Variants in KSR2 observed in about 807,000 individuals in gnomAD.
KSR2 encodes the protein kinase suppressor of ras 2.
Under a neutral mutation model 107.8 loss-of-function variants are expected in KSR2, and 25 were observed. The observed-to-expected ratio is 0.23, with a 90% CI of 0.17 to 0.32. KSR2 has a LOEUF of 0.32. KSR2 is among the 10% of genes least tolerant of loss of function. The pLI is 1.00. For missense variants in KSR2, 887 were observed against 1,268.9 expected, an observed-to-expected ratio of 0.70 and a Z score of 4.57; for synonymous variants, 480 against 507.0, an observed-to-expected ratio of 0.95 and a Z score of 0.71.
chr12:117,860,852 G>A (rs1893267024), intron 1 of KSR2, among the ~76,000 whole-genome samples: 1 of 152,086 alleles, frequency 6.6e-6, no homozygotes, highest in Non-Finnish European at 1.5e-5. Flanking sequence ...CCAAGTATCT[G>A]GGATTACAGG....
chr12:117,556,263 T>G (rs889307848), intron 8 of KSR2, among the ~76,000 whole-genome samples: 2 of 152,146 alleles, frequency 1.3e-5, no homozygotes, highest in Middle Eastern at 3.2e-3. Flanking sequence ...CTGAAAGCCA[T>G]CACCTTCCAG....
intron 3 of KSR2, among the ~76,000 whole-genome samples, chr12:117,817,119 G>C (rs1344122782): frequency 6.6e-6 from 1 of 152,102 alleles, no homozygotes; most frequent in East Asian, 1.9e-4. Context: ...AGAAATCCCA[G>C]AACACAGTTT....
At chr12:117,799,654 G>A (rs2137015648) in intron 3 of KSR2, among the ~76,000 whole-genome samples, 1 of 152,290 alleles carries the variant, frequency 6.6e-6, no homozygotes, top group South Asian at 2.1e-4. Flanking sequence ...GGATCAAGCG[G>A]ACTGGTATTG....
chr12:117,601,294 T>TTGG (rs766115606), intron 5 of KSR2, among the ~76,000 whole-genome samples: 2 of 32,962 alleles, frequency 6.1e-5, no homozygotes, highest in African/African-American at 1.5e-4. Context: ...ATCCAAGATC[T>TTGG]TGGGGGGGGG....
intron 3 of KSR2, among the ~76,000 whole-genome samples, chr12:117,847,271 C>T (rs146023756): frequency 3.7e-4 from 56 of 152,334 alleles, no homozygotes; most frequent in Non-Finnish European, 6.2e-4. Context: ...GAAGACCGTA[C>T]GGTGGCAGGC....
chr12:117,583,020 A>G (rs1879761366), intron 5 of KSR2, among the ~76,000 whole-genome samples: 2 of 152,240 alleles, frequency 1.3e-5, no homozygotes, highest in South Asian at 4.1e-4. Context: ...AGAAAGCCAT[A>G]TCAATTTCTG....
Position 117,872,924 on chromosome 12 carries a change from G to T in KSR2, c.181-12493C>A, listed in dbSNP as rs1593326748. On this transcript the variant is annotated intron_variant, in intron 1 of 19. Coordinates refer to ENST00000339824, the MANE Select transcript of KSR2 (RefSeq NM_173598.6). ...GTCAGCACCTGTCCAGGCCTGAAGG[G>T]GCTCCCAGTGGGCAGGGAAGACAGA... Among the ~76,000 whole-genome samples, 2 of 152,240 alleles carry T rather than the reference G, an allele frequency of 1.3e-5. 1 individual carries two copies. Among genetic ancestry groups the T allele is most frequent in the South Asian group, 4.1e-4 (2 of 4,822 alleles).
chr12:117,713,698 C>A (rs1886877844), intron 4 of KSR2, among the ~76,000 whole-genome samples: 1 of 152,190 alleles, frequency 6.6e-6, no homozygotes, highest in Non-Finnish European at 1.5e-5. Context: ...AAAAGTCCTT[C>A]AAGCCTCCAA....
At chr12:117,943,948 G>A (rs949937032) in intron 1 of KSR2, among the ~76,000 whole-genome samples, 1 of 152,104 alleles carries the variant, frequency 6.6e-6, no homozygotes, top group African/African-American at 2.4e-5. Flanking sequence ...ATGTTAAGAC[G>A]TGCCTTTCAC....
At chr12:117,918,729 G>T (rs1005941055) in intron 1 of KSR2, among the ~76,000 whole-genome samples, 1 of 151,578 alleles carries the variant, frequency 6.6e-6, no homozygotes, top group Non-Finnish European at 1.5e-5. Context: ...CAGAGGTTGT[G>T]GTGAGCCAAG....
intron 14 of KSR2, among the ~76,000 whole-genome samples, chr12:117,521,330 G>A (rs1415352512): frequency 2.6e-5 from 4 of 152,162 alleles, no homozygotes; most frequent in Admixed American, 2.0e-4. Context: ...AGAAACATCC[G>A]CTTCCACCTG....
intron 10 of KSR2, among the ~76,000 whole-genome samples, chr12:117,537,564 C>G (rs1876140229): frequency 6.6e-6 from 1 of 152,214 alleles, no homozygotes; most frequent in African/African-American, 2.4e-5. Flanking sequence ...GATGAGAACA[C>G]TGAGGCCCAG....
At chr12:117,693,770 G>A (rs1276588336) in intron 4 of KSR2, among the ~76,000 whole-genome samples, 2 of 152,074 alleles carry the variant, frequency 1.3e-5, no homozygotes, top group Admixed American at 6.6e-5. Context: ...CAGGAAGCGG[G>A]TCCTACCGTC....
intron 3 of KSR2, among the ~76,000 whole-genome samples, chr12:117,775,853 A>AT: frequency 6.6e-6 from 1 of 152,330 alleles, no homozygotes; most frequent in Non-Finnish European, 1.5e-5. Flanking sequence ...ACTGAACATC[A>AT]TATGTTCTCA....
intron 1 of KSR2, among the ~76,000 whole-genome samples, chr12:117,927,745 T>C (rs1593376230): frequency 6.6e-6 from 1 of 152,148 alleles, no homozygotes; most frequent in East Asian, 1.9e-4. Flanking sequence ...CACTAAAAGC[T>C]GGTATGTGAA....
intron 5 of KSR2, among the ~76,000 whole-genome samples, chr12:117,651,482 T>A (rs753612041): frequency 1.3e-5 from 2 of 152,112 alleles, no homozygotes; most frequent in Non-Finnish European, 2.9e-5. Flanking sequence ...GGGTGTGGGA[T>A]AATGGGGGAA....
At chr12:117,692,826 T>C (rs1475056472) in intron 4 of KSR2, among the ~76,000 whole-genome samples, 1 of 152,124 alleles carries the variant, frequency 6.6e-6, no homozygotes, top group Non-Finnish European at 1.5e-5. Flanking sequence ...TCCATTTATA[T>C]GAAATGTCTA....
chr12:117,828,187 G>A (rs1260979263), intron 3 of KSR2, among the ~76,000 whole-genome samples: 1 of 152,148 alleles, frequency 6.6e-6, no homozygotes, highest in Admixed American at 6.5e-5. Flanking sequence ...GGCCTACCCA[G>A]TGTCCGGTAT....
intron 1 of KSR2, among the ~76,000 whole-genome samples, chr12:117,932,324 T>C (rs1895716684): frequency 6.6e-6 from 1 of 152,048 alleles, no homozygotes; most frequent in South Asian, 2.1e-4. Flanking sequence ...TATCTTAAAA[T>C]GATACTTAAT....
Sources: gnomAD v4.1 joint callset for allele counts (sites outside exome capture counted in the v4.1 genomes callset) on GRCh38, gnomAD v4.1.1 for gene constraint, MANE v1.5 for transcripts, NCBI Gene and HGNC (gene_info 2026-07-23, HGNC 2026-07-21) for gene names.